CFTR: variants seen among roughly 807,000 people sequenced by gnomAD.
The protein encoded by CFTR is CF transmembrane conductance regulator.
In CFTR, 181 loss-of-function variants were observed where a neutral mutation model predicts 171.6. That is an observed-to-expected ratio of 1.05 (90% confidence interval 0.93 to 1.19). The LOEUF (loss-of-function observed/expected upper bound fraction) is 1.19, where lower values mean the gene tolerates loss of function less well. Among genes scored for constraint, CFTR ranks in the 50% most tolerant of loss-of-function variants. The pLI is 0.00. For missense variants in CFTR, 1,968 were observed against 1,734.7 expected (o/e 1.13, Z -2.39); for synonymous variants, 583 against 608.0 (o/e 0.96, Z 0.60).
At chr7:117,599,091 T>C (rs1222165822) in intron 15 of CFTR, among the ~76,000 whole-genome samples, 1 of 152,200 alleles carries the variant, frequency 6.6e-6, no homozygotes, top group Non-Finnish European at 1.5e-5. Context: ...TATTTTTACA[T>C]GAGTAATAAA....
intron 23 of CFTR, among the ~76,000 whole-genome samples, chr7:117,643,499 G>C (rs1296200235): frequency 1.3e-5 from 2 of 152,094 alleles, no homozygotes; most frequent in Admixed American, 6.6e-5. Context: ...TGGAACATTT[G>C]CTCCTTTCAA....
At chr7:117,503,987 G>A (rs1444697142) in intron 1 of CFTR, among the ~76,000 whole-genome samples, 2 of 152,066 alleles carry the variant, frequency 1.3e-5, no homozygotes, top group South Asian at 2.1e-4. Context: ...TTAGCAGTTT[G>A]TTTTTTCCCT....
At chr7:117,504,600 A>C (rs1482594262) in intron 2 of CFTR, among the ~76,000 whole-genome samples, 1 of 152,064 alleles carries the variant, frequency 6.6e-6, no homozygotes, top group Non-Finnish European at 1.5e-5. Flanking sequence ...CACAAAATAA[A>C]AAAGTTAGCT....
intron 1 of CFTR, among the ~76,000 whole-genome samples, chr7:117,493,427 T>G (rs1324629040): frequency 2.6e-5 from 4 of 152,102 alleles, no homozygotes; most frequent in Non-Finnish European, 5.9e-5. Context: ...GTCTTATTAA[T>G]TCCTTGGTAA....
At chr7:117,619,892 C>T (rs213986) in intron 21 of CFTR, among the ~76,000 whole-genome samples, 46,809 of 151,326 alleles carry the variant, frequency 0.31, 8,657 homozygotes, top group African/African-American at 0.51. Flanking sequence ...TGTCCTTTTA[C>T]TGCCTGTGTT....
At position 117,664,769 on chromosome 7, in the gene CFTR, G is replaced by A. The variant is rs201686600; in HGVS notation, c.4045G>A (p.Gly1349Ser). The part of the protein sequence containing the change: ...LVDGGCVLSH[G>S]HKQLMCLARS... ...GGATGGGGGCTGTGTCCTAAGCCAT[G>A]GCCACAAGCAGTTGATGTGCTTGGC... The change falls in exon 25 of 27, where the codon GGC (glycine) becomes AGC (serine). Residue 1349 changes from glycine (G) to serine (S), a missense_variant. Physicochemically the swap from Gly to Ser is moderately conservative, Grantham distance 56 (BLOSUM62 0). Transcript: ENST00000003084. 21 of 1,614,020 alleles carry A rather than the reference G, an allele frequency of 1.3e-5. No homozygotes were observed. In the East Asian group the frequency reaches 4.5e-4, roughly 34 times the overall value.
intron 21 of CFTR, among the ~76,000 whole-genome samples, 183 bp downstream of exon 21, chr7:117,614,896 T>G (rs1189123541): frequency 6.6e-6 from 1 of 152,148 alleles, no homozygotes; most frequent in Non-Finnish European, 1.5e-5. Flanking sequence ...TTCTCATAGA[T>G]AGCCACTATG....
chr7:117,651,594 C>G (rs568918974), intron 23 of CFTR, among the ~76,000 whole-genome samples: 1 of 152,278 alleles, frequency 6.6e-6, no homozygotes, highest in African/African-American at 2.4e-5. Flanking sequence ...CTCTGTAAAG[C>G]AATGTAGGTA....
intron 3 of CFTR, among the ~76,000 whole-genome samples, chr7:117,526,533 A>G (rs1207438566): frequency 1.9e-4 from 1 of 5,250 alleles, no homozygotes; most frequent in African/African-American, 9.5e-4. Context: ...TGAAGGAAAT[A>G]GAGACACAAA....
At chr7:117,534,195 A>G (rs1798908506) in intron 4 of CFTR, 81 bp from the exon 5 acceptor site, 1 of 707,896 alleles carries the variant, frequency 1.4e-6, no homozygotes, top group Admixed American at 2.1e-5. Context: ...ATAATAACTG[A>G]ATTAGTCATA....
chr7:117,639,001 G>T (rs374935615), intron 22 of CFTR, among the ~76,000 whole-genome samples: 1 of 151,906 alleles, frequency 6.6e-6, no homozygotes, highest in Non-Finnish European at 1.5e-5. Context: ...GCCCTTCTTG[G>T]GGGGGAAAAA....
At position 117,667,758 on chromosome 7, in the gene CFTR, G is replaced by T. The variant is rs942203534; in HGVS notation, c.*650G>T. The stretch of plus-strand genomic sequence containing the variant: ...GAACTTCCAGATCCTGGAAATCAGG[G>T]TTAGTATTGTCCAGGTCTACCAAAA... On this transcript the variant is annotated 3_prime_UTR_variant, in exon 27 of 27. Transcript: ENST00000003084. 6.1e-6 allele frequency: 1 copy of T among 163,430 alleles called. No homozygotes were observed. The highest frequency in any genetic ancestry group is 5.7e-5 in the Admixed American group (1 of 17,646). The allele number at this position is 163,430 out of a possible 1,614,324, so 10.1% of individuals were successfully genotyped here.
chr7:117,541,546 G>A (rs1336196050), intron 8 of CFTR, among the ~76,000 whole-genome samples: 1 of 152,134 alleles, frequency 6.6e-6, no homozygotes, highest in Non-Finnish European at 1.5e-5. Context: ...ATCACAGTTT[G>A]ATGCCTTAAA....
chr7:117,485,544 T>G (rs1798061553), intron 1 of CFTR, among the ~76,000 whole-genome samples: 1 of 152,200 alleles, frequency 6.6e-6, no homozygotes, highest in Admixed American at 6.6e-5. Flanking sequence ...CAGTGTGAAA[T>G]TAGCATTACA....
intron 22 of CFTR, among the ~76,000 whole-genome samples, chr7:117,632,569 A>C (rs1015321828): frequency 2.7e-5 from 4 of 150,820 alleles, no homozygotes; most frequent in Non-Finnish European, 4.4e-5. Flanking sequence ...AAAAAAAAAA[A>C]GAAAAAGAAA....
At chr7:117,494,014 T>C (rs1340182994) in intron 1 of CFTR, among the ~76,000 whole-genome samples, 1 of 152,146 alleles carries the variant, frequency 6.6e-6, no homozygotes, top group African/African-American at 2.4e-5. Context: ...CGACTGATCA[T>C]TTTTATCTGT....
intron 15 of CFTR, among the ~76,000 whole-genome samples, chr7:117,601,660 CTG>C (rs1316149603): frequency 6.6e-6 from 1 of 151,988 alleles, no homozygotes. Flanking sequence ...TTACTCACAA[CTG>C]TTTGTTTTTT....
chr7:117,490,846 G>C (rs977628365), intron 1 of CFTR, among the ~76,000 whole-genome samples: 6 of 151,968 alleles, frequency 3.9e-5, no homozygotes, highest in Admixed American at 6.6e-5. Context: ...CTATGAATTA[G>C]ACCCAGTGCT....
chr7:117,561,815 A>G (rs1457875698), intron 11 of CFTR, among the ~76,000 whole-genome samples: 1 of 152,174 alleles, frequency 6.6e-6, no homozygotes, highest in Non-Finnish European at 1.5e-5. Context: ...ATGAGGTAGC[A>G]TGGACTCTAT....
Sources: allele counts gnomAD v4.1 joint callset (sites outside exome capture counted in the v4.1 genomes callset), GRCh38; gene constraint gnomAD v4.1.1; transcripts MANE v1.5; gene names NCBI Gene and HGNC (gene_info 2026-07-23, HGNC 2026-07-21).